Variants in NAA20 observed in about 807,000 individuals in gnomAD.
The protein encoded by NAA20 is N-alpha-acetyltransferase 20.
Under a neutral mutation model 23.8 loss-of-function variants are expected in NAA20, and 24 were observed. That is an observed-to-expected ratio of 1.01 (90% CI 0.73 to 1.42). The LOEUF is 1.42. Among genes scored for constraint, NAA20 ranks in the 40% most tolerant of loss-of-function variants. The probability of loss-of-function intolerance (pLI) is 0.00; values close to 1 mark genes in which losing one functional copy is unlikely to be tolerated. For missense variants in NAA20, 166 were observed against 223.1 expected (o/e 0.74, Z 1.63); for synonymous variants, 83 against 77.7 (o/e 1.07, Z -0.36).
At chr20:20,024,879 ATATATT>A (rs992215934) in intron 2 of NAA20, among the ~76,000 whole-genome samples, 4 of 152,232 alleles carry the variant, frequency 2.6e-5, no homozygotes, top group African/African-American at 4.8e-5. Flanking sequence ...AACTTAAAAA[ATATATT>A]TATGTGTGAT....
intron 2 of NAA20, among the ~76,000 whole-genome samples, chr20:20,024,879 A>G (rs1189024383): frequency 1.3e-5 from 2 of 152,232 alleles, no homozygotes; most frequent in African/African-American, 2.4e-5. Context: ...AACTTAAAAA[A>G]TATATTTATG....
chr20:20,031,703 C>T (rs996029315), intron 4 of NAA20, among the ~76,000 whole-genome samples: 3 of 151,830 alleles, frequency 2.0e-5, no homozygotes, highest in Admixed American at 6.6e-5. Context: ...AGAACTGTAG[C>T]GGGGGAAAAA....
In NAA20 at chr20:20,017,434, T is replaced by G. The variant is rs768988399; in HGVS notation, c.38T>G (p.Phe13Cys). Residue 13 changes from phenylalanine (F) to cysteine (C), a missense_variant, in exon 1 of 6, where the codon TTC becomes TGC. Physicochemically the swap from Phe to Cys is radical, Grantham distance 205 (BLOSUM62 -2). Coordinates refer to ENST00000334982, the MANE Select transcript of NAA20 (RefSeq NM_016100.5). ...CGGGCCTTTACCTGCGACGACCTGT[T>G]CCGCTTCAACAACATGTGAGTGACA... ...TLRAFTCDDL[F>C]RFNNINLDPL... 6.2e-7 allele frequency: 1 copy of G among 1,611,728 alleles called. No homozygotes were observed. Among genetic ancestry groups the G allele is most frequent in the East Asian group, 2.2e-5 (1 of 44,718 alleles).
At chr20:20,018,953 G>A in intron 1 of NAA20, 3 of 985,068 alleles carry the variant, frequency 3.0e-6, no homozygotes, top group Non-Finnish European at 3.6e-6. Context: ...CTGTGGTCAG[G>A]GGACCATGTT....
At chr20:20,025,344 C>T (rs904395073) in intron 2 of NAA20, among the ~76,000 whole-genome samples, 3 of 151,962 alleles carry the variant, frequency 2.0e-5, no homozygotes, top group Non-Finnish European at 2.9e-5. Context: ...GGAGGCAGAC[C>T]GCAAACAAAC....
At chr20:20,031,485 A>G (rs2043343415) in intron 4 of NAA20, among the ~76,000 whole-genome samples, 1 of 152,220 alleles carries the variant, frequency 6.6e-6, no homozygotes, top group African/African-American at 2.4e-5. Flanking sequence ...TCTTTTGAAT[A>G]TAATATGGCA....
intron 1 of NAA20, among the ~76,000 whole-genome samples, chr20:20,019,237 A>T (rs2043252140): frequency 6.6e-6 from 1 of 152,174 alleles, no homozygotes; most frequent in Non-Finnish European, 1.5e-5. Flanking sequence ...CAGGTGATGG[A>T]TTCAAATTCT....
intron 2 of NAA20, among the ~76,000 whole-genome samples, chr20:20,024,115 A>T (rs545489545): frequency 6.6e-6 from 1 of 152,304 alleles, no homozygotes; most frequent in South Asian, 2.1e-4. Context: ...AAAGCCTAGG[A>T]TGTTAACTAT....
intron 1 of NAA20, among the ~76,000 whole-genome samples, chr20:20,020,419 A>C (rs2146459668): frequency 6.6e-6 from 1 of 152,298 alleles, no homozygotes; most frequent in South Asian, 2.1e-4. Context: ...TTCCAGATAG[A>C]GGGAACAGTA....
chr20:20,023,705 G>A (rs190429654), intron 2 of NAA20, among the ~76,000 whole-genome samples: 1 of 152,284 alleles, frequency 6.6e-6, no homozygotes, highest in Admixed American at 6.5e-5. Flanking sequence ...CTTAATGAAC[G>A]TGTTAAGAGT....
At chr20:20,032,209 CTG>C (rs1232437255) in intron 4 of NAA20, among the ~76,000 whole-genome samples, 1 of 151,786 alleles carries the variant, frequency 6.6e-6, no homozygotes, top group African/African-American at 2.4e-5. Flanking sequence ...ACAGGAGAAA[CTG>C]TAATAGGTGG....
chr20:20,029,928 AC>A (rs2043331789), intron 4 of NAA20, among the ~76,000 whole-genome samples: 1 of 152,128 alleles, frequency 6.6e-6, no homozygotes, highest in South Asian at 2.1e-4. Context: ...CATTGCAAAA[AC>A]CATTCTTAGC....
intron 2 of NAA20, among the ~76,000 whole-genome samples, chr20:20,023,312 C>CAAA (rs377441191): frequency 3.5e-5 from 4 of 115,742 alleles, no homozygotes; most frequent in Non-Finnish European, 3.5e-5. Context: ...GACTCCGTCT[C>CAAA]AAAAAAAAAA....
Position 20,032,517 on chromosome 20 carries a change from A to C in NAA20, c.315A>C (p.Gly105=). Residue 105 remains glycine, a synonymous_variant, in exon 5 of 6, where the codon GGA becomes GGC. Coordinates refer to ENST00000334982, the MANE Select transcript of NAA20 (RefSeq NM_016100.5). The part of the protein sequence containing the change: ...LLEEISERKG[G]FFVDLFVRVS... ...TGTTTTTCTTTTAAAGAAAGGGTGGATTTTTTGTGGATCTCTTTGTAAGAG... is the reference window on the plus strand; with the variant it reads ...TGTTTTTCTTTTAAAGAAAGGGTGGCTTTTTTGTGGATCTCTTTGTAAGAG... The C allele has an allele frequency of 6.2e-7, 1 of 1,610,416 alleles. No individual in the cohort carries two copies.
chr20:20,022,791 G>A, intron 2 of NAA20: 2 of 271,318 alleles, frequency 7.4e-6, no homozygotes, highest in South Asian at 1.3e-4. Flanking sequence ...CAAGGTGGCT[G>A]CATAGTCTCC....
At chr20:20,023,729 T>C (rs1480279239) in intron 2 of NAA20, among the ~76,000 whole-genome samples, 6 of 152,198 alleles carry the variant, frequency 3.9e-5, no homozygotes, top group Non-Finnish European at 8.8e-5. Context: ...GTCTCATCAG[T>C]CAAAAGACAT....
At position 20,033,224 on chromosome 20, in the gene NAA20, C is replaced by A; in HGVS notation, c.*37C>A. 6.9e-7 allele frequency: 1 copy of A among 1,451,190 alleles called. No individual in the cohort carries two copies. Among genetic ancestry groups the A allele is most frequent in the Non-Finnish European group, 9.6e-7 (1 of 1,037,016 alleles). 89.9% of individuals were successfully genotyped at this position (1,451,190 alleles called of 1,614,324 possible). A position where few individuals can be genotyped will look rare whatever the true frequency, so the allele number is the denominator to read the frequency against. Reference sequence around the variant, plus strand: ...GGTTCTTAGGCAGATACTCTAGATGCTTTATGGACAATATTATTTTCATTG... The same window carrying A: ...GGTTCTTAGGCAGATACTCTAGATGATTTATGGACAATATTATTTTCATTG... On this transcript the variant is annotated 3_prime_UTR_variant, in exon 6 of 6. Coordinates refer to ENST00000334982, the MANE Select transcript of NAA20 (RefSeq NM_016100.5).
rs1412806063 is a variant in NAA20 at position 20,033,191 on chromosome 20, T to C, written c.*4T>C. On this transcript the variant is annotated 3_prime_UTR_variant, in exon 6 of 6. Coordinates refer to ENST00000334982, the MANE Select transcript of NAA20 (RefSeq NM_016100.5). ...GAGGCCTGAAGACATTGAATAACCCTGGGCAGTGGTTCTTAGGCAGATACT... is the reference window on the plus strand; with the variant it reads ...GAGGCCTGAAGACATTGAATAACCCCGGGCAGTGGTTCTTAGGCAGATACT... 6.2e-7 allele frequency: 1 copy of C among 1,603,740 alleles called. No individual in the cohort carries two copies. Among genetic ancestry groups the C allele is most frequent in the Non-Finnish European group, 8.5e-7 (1 of 1,170,928 alleles).
At chr20:20,032,794 C>T in intron 5 of NAA20, 141 bp downstream of exon 5, 1 of 1,105,742 alleles carries the variant, frequency 9.0e-7, no homozygotes, top group East Asian at 2.7e-5. Context: ...CTTTATCAAC[C>T]TATTAGTAGT....
Sources: allele counts gnomAD v4.1 joint callset (sites outside exome capture counted in the v4.1 genomes callset), GRCh38; gene constraint gnomAD v4.1.1; transcripts MANE v1.5; gene names NCBI Gene and HGNC (gene_info 2026-07-23, HGNC 2026-07-21).